Variants in RANBP2 observed in about 807,000 individuals in gnomAD.
RANBP2 encodes RAN binding protein 2, also known as E3 SUMO-protein ligase RanBP2.
A neutral mutation model predicts 303.6 loss-of-function variants in RANBP2; 57 were observed. The ratio of observed to expected loss-of-function variants is 0.19; its 90% confidence interval spans 0.15 to 0.23. The LOEUF is 0.23. RANBP2 is among the 10% of genes least tolerant of loss of function. The probability of loss-of-function intolerance (pLI) is 1.00; values close to 1 mark genes in which losing one functional copy is unlikely to be tolerated. For missense variants in RANBP2, 3,138 were observed against 3,780.8 expected, an observed-to-expected ratio of 0.83 and a Z score of 4.46; for synonymous variants, 1,167 against 1,301.5, an observed-to-expected ratio of 0.90 and a Z score of 2.23.
At chr2:109,301,055 T>G in the RANBP2 span, among the ~76,000 whole-genome samples, 1 of 152,162 alleles carries the variant, frequency 6.6e-6, no homozygotes, top group African/African-American at 2.4e-5. Flanking sequence ...AATACAGTTG[T>G]GTATGAAGTG....
chr2:109,589,826 C>A, the RANBP2 span, among the ~76,000 whole-genome samples: 5 of 151,862 alleles, frequency 3.3e-5, no homozygotes, highest in Non-Finnish European at 7.4e-5. Flanking sequence ...GTTTTATTCC[C>A]AATGGTCAAA....
the RANBP2 span, among the ~76,000 whole-genome samples, chr2:109,482,950 T>G: frequency 1.3e-5 from 2 of 152,378 alleles, no homozygotes; most frequent in African/African-American, 4.8e-5. Context: ...TGAAGATGCA[T>G]GTTAATGTTT....
intron 12 of RANBP2, among the ~76,000 whole-genome samples, chr2:108,752,518 A>C (rs1327068115): frequency 6.6e-6 from 1 of 151,180 alleles, no homozygotes; most frequent in African/African-American, 2.4e-5. Context: ...CACACCTGTA[A>C]TCCCAGCACG....
At chr2:109,594,175 A>G in the RANBP2 span, among the ~76,000 whole-genome samples, 2 of 152,200 alleles carry the variant, frequency 1.3e-5, no homozygotes, top group Non-Finnish European at 2.9e-5. Context: ...GAAAAACTGT[A>G]CTAATTCCAA....
At chr2:109,713,429 C>A in the RANBP2 span, among the ~76,000 whole-genome samples, 1 of 152,138 alleles carries the variant, frequency 6.6e-6, no homozygotes, top group Non-Finnish European at 1.5e-5. Flanking sequence ...GAGGGGCCAG[C>A]AAGGGCTGAG....
At chr2:109,382,515 C>T in the RANBP2 span, among the ~76,000 whole-genome samples, 70 of 152,328 alleles carry the variant, frequency 4.6e-4, no homozygotes, top group Admixed American at 2.1e-3. Flanking sequence ...AGCACATGCC[C>T]TTCCGTCTTG....
intron 20 of RANBP2, 95 bp downstream of exon 20, chr2:108,768,483 A>G: frequency 6.3e-7 from 1 of 1,596,852 alleles, no homozygotes; most frequent in Non-Finnish European, 8.5e-7. Flanking sequence ...GTTGGGATAT[A>G]AATGATGCTT....
At chr2:109,250,788 A>G in the RANBP2 span, among the ~76,000 whole-genome samples, 2 of 151,950 alleles carry the variant, frequency 1.3e-5, no homozygotes, top group Admixed American at 6.5e-5. Flanking sequence ...AAAGTGCTTC[A>G]ATAGGGAATT....
chr2:109,603,381 C>T, the RANBP2 span, among the ~76,000 whole-genome samples: 1 of 151,958 alleles, frequency 6.6e-6, no homozygotes, highest in East Asian at 1.9e-4. Flanking sequence ...ACTACAGGCA[C>T]ACACCGCCAC....
chr2:109,501,792 G>A, the RANBP2 span: 1 of 620,578 alleles, frequency 1.6e-6, no homozygotes, highest in East Asian at 2.7e-5. Flanking sequence ...CACCTGGCGG[G>A]GGATACCCTG....
At chr2:108,919,445 A>G in the RANBP2 span, among the ~76,000 whole-genome samples, 1 of 152,012 alleles carries the variant, frequency 6.6e-6, no homozygotes, top group Non-Finnish European at 1.5e-5. Context: ...CGCAACCTCC[A>G]TCTCCCAGGT....
rs780627738 is a variant in RANBP2 at position 108,765,023 on chromosome 2, G to A, written c.4484G>A (p.Ser1495Asn). The A allele has an allele frequency of 6.2e-6, 10 of 1,613,646 alleles. No homozygotes were observed. In the South Asian group the frequency reaches 1.1e-4, roughly 18 times the overall value. The change falls in exon 20 of 29, where the codon AGC becomes AAC. Residue 1495 changes from serine to asparagine, a missense_variant. By Grantham distance (46) the Ser-to-Asn change is conservative. This residue lies in a region of RANBP2 where 388 missense variants were observed against 328.5 expected (regional missense o/e 1.18). Coordinates refer to ENST00000283195, the MANE Select transcript of RANBP2 (RefSeq NM_006267.5). ...CSACLVQNEGSSTKCAACQNP... is the reference protein window; with the variant it reads ...CSACLVQNEGNSTKCAACQNP... ...GCATGTTTGGTACAAAATGAGGGGA[G>A]CTCTACAAAATGTGCTGCTTGTCAG...
chr2:108,731,699 AT>A, intron 4 of RANBP2: 1 of 846,060 alleles, frequency 1.2e-6, no homozygotes, highest in Non-Finnish European at 1.7e-6. Flanking sequence ...AATAATTAAT[AT>A]TTTAGGGATT....
At chr2:108,798,629 TTTC>T in the RANBP2 span, 5 of 1,468,716 alleles carry the variant, frequency 3.4e-6, no homozygotes, top group African/African-American at 1.4e-5. Context: ...TATTTCTTCT[TTTC>T]TTCTTAGATT....
the RANBP2 span, chr2:109,490,710 G>T: frequency 6.5e-7 from 1 of 1,534,200 alleles, no homozygotes; most frequent in Non-Finnish European, 8.7e-7. Flanking sequence ...CCAGGTGGCC[G>T]TGGACGCCCT....
chr2:109,571,019 T>C, the RANBP2 span, among the ~76,000 whole-genome samples: 10 of 151,966 alleles, frequency 6.6e-5, no homozygotes, highest in African/African-American at 2.4e-4. Flanking sequence ...GGGGACAGAG[T>C]TGTCCCTTGC....
At position 108,728,595 on chromosome 2, in the gene RANBP2, T is replaced by TATGATGATG. The variant is rs56238649; in HGVS notation, c.73-500_73-492dup. Reference sequence around the variant, plus strand: ...TGTGACCAACTGCACCCAGCTTATTTATGATGATGATGATGATGATGATGA... The same window carrying TATGATGATG: ...TGTGACCAACTGCACCCAGCTTATTTATGATGATGATGATGATGATGATGATGATGATGA... On this transcript the variant is annotated intron_variant, in intron 1 of 28. Coordinates refer to ENST00000283195, the MANE Select transcript of RANBP2 (RefSeq NM_006267.5). Among the ~76,000 whole-genome samples, 656 of 145,718 alleles carry TATGATGATG rather than the reference T, an allele frequency of 4.5e-3. 8 individuals are homozygous for TATGATGATG. Among genetic ancestry groups the TATGATGATG allele is most frequent in the African/African-American group, 0.015 (593 of 39,386 alleles).
chr2:109,636,000 C>A, the RANBP2 span, among the ~76,000 whole-genome samples: 1 of 152,154 alleles, frequency 6.6e-6, no homozygotes, highest in African/African-American at 2.4e-5. Context: ...ACAGTGGAGC[C>A]CTCATGACTA....
At chr2:109,633,847 C>A in the RANBP2 span, among the ~76,000 whole-genome samples, 1 of 151,354 alleles carries the variant, frequency 6.6e-6, no homozygotes, top group African/African-American at 2.4e-5. Flanking sequence ...GTCAGCCTGG[C>A]GCAATGGCTC....
Sources: gnomAD v4.1 joint callset for allele counts (sites outside exome capture counted in the v4.1 genomes callset) on GRCh38, gnomAD v4.1.1 for gene constraint, gnomAD v4.1.1 regional missense constraint, MANE v1.5 for transcripts, NCBI Gene and HGNC (gene_info 2026-07-23, HGNC 2026-07-21) for gene names.